The following ADAMTSL1 variants were observed in gnomAD, a reference collection of about 807,000 sequenced individuals.
ADAMTSL1 encodes ADAMTS like 1, also known as ADAMTS-like protein 1.
ADAMTSL1 carries 126 observed loss-of-function variants against 201.8 expected under a neutral mutation model. That is an observed-to-expected ratio of 0.62 (90% CI 0.54 to 0.72). The LOEUF (loss-of-function observed/expected upper bound fraction) is 0.72, where lower values mean the gene tolerates loss of function less well. Ranked by LOEUF, ADAMTSL1 falls within the 30% of genes least tolerant of loss-of-function variation. The pLI is 0.00. For missense variants in ADAMTSL1, 2,679 were observed against 2,277.8 expected (o/e 1.18, Z -3.59); for synonymous variants, 1,121 against 903.4 (o/e 1.24, Z -4.32).
rs542612058 is a variant in ADAMTSL1 at position 17,965,152 on chromosome 9, C to G, written c.87+58230C>G. Among the ~76,000 whole-genome samples, 12 of 152,216 alleles carry G rather than the reference C, an allele frequency of 7.9e-5. No individual in the cohort carries two copies. The South Asian group carries it at 2.1e-3, about 26-fold the overall frequency. ...AGATAGAGTAAAACTTAATTTTCTG[C>G]AGGCTTGTAATTTATATTTCTTTTC... On this transcript the variant is annotated intron_variant, in intron 1 of 29. Transcript: ENST00000680146.
intron 1 of ADAMTSL1, among the ~76,000 whole-genome samples, chr9:18,163,163 T>G (rs1162040836): frequency 6.6e-5 from 10 of 152,010 alleles, no homozygotes; most frequent in Non-Finnish European, 1.0e-4. Flanking sequence ...GTTTTAGAGT[T>G]AGACCTGTAT....
intron 2 of ADAMTSL1, among the ~76,000 whole-genome samples, chr9:18,233,313 A>T (rs1830714628): frequency 6.6e-6 from 1 of 152,240 alleles, no homozygotes; most frequent in Admixed American, 6.5e-5. Flanking sequence ...AACAAAAAAT[A>T]ACCTGTAACT....
At chr9:18,661,888 G>T (rs763773238) in intron 8 of ADAMTSL1, 47 bp from the exon 9 acceptor site, 1 of 1,575,782 alleles carries the variant, frequency 6.3e-7, no homozygotes, top group East Asian at 2.3e-5. Flanking sequence ...GAAATATATT[G>T]CATTGGCATG....
At chr9:18,834,756 C>G (rs1251291081) in intron 23 of ADAMTSL1, among the ~76,000 whole-genome samples, 1 of 152,132 alleles carries the variant, frequency 6.6e-6, no homozygotes, top group Non-Finnish European at 1.5e-5. Flanking sequence ...TTATTTCTTT[C>G]ACTCAGAATA....
chr9:18,769,601 G>T (rs998902322), intron 16 of ADAMTSL1, among the ~76,000 whole-genome samples: 1 of 152,170 alleles, frequency 6.6e-6, no homozygotes, highest in Non-Finnish European at 1.5e-5. Flanking sequence ...CTTTTTGTTT[G>T]TGACAGCCCA....
At chr9:17,972,991 A>G (rs555454676) in intron 1 of ADAMTSL1, among the ~76,000 whole-genome samples, 266 of 148,038 alleles carry the variant, frequency 1.8e-3, no homozygotes, top group East Asian at 3.6e-3. Flanking sequence ...CATATCCTTC[A>G]CCCACTTTTT....
intron 1 of ADAMTSL1, among the ~76,000 whole-genome samples, chr9:18,085,558 T>C (rs962294171): frequency 8.2e-6 from 1 of 122,414 alleles, no homozygotes; most frequent in South Asian, 2.6e-4. Flanking sequence ...ACATACACAC[T>C]GTGTGTATAC....
chr9:18,604,225 G>A (rs1309158517), intron 4 of ADAMTSL1, among the ~76,000 whole-genome samples: 14 of 152,356 alleles, frequency 9.2e-5, no homozygotes, highest in Admixed American at 8.5e-4. Flanking sequence ...GGCATAGGCT[G>A]CAAGCTGGAA....
intron 2 of ADAMTSL1, chr9:18,360,481 A>G (rs1260056857): frequency 6.6e-6 from 1 of 152,138 alleles, no homozygotes; most frequent in Non-Finnish European, 1.5e-5. Context: ...AAATGGTATT[A>G]ACATTGGTAC....
chr9:18,756,281 CAAAAAAA>C (rs11326013), intron 16 of ADAMTSL1, among the ~76,000 whole-genome samples: 21 of 68,492 alleles, frequency 3.1e-4, no homozygotes, highest in Admixed American at 6.0e-4. Context: ...TCTGTCTCGA[CAAAAAAA>C]AAAAAAAAAA....
intron 2 of ADAMTSL1, among the ~76,000 whole-genome samples, chr9:18,352,796 C>T (rs140941097): frequency 1.5e-3 from 225 of 152,220 alleles, no homozygotes; most frequent in African/African-American, 5.1e-3. Context: ...AGGAAAAATA[C>T]GTTTTTACCC....
chr9:18,866,240 G>C (rs1827535079), intron 23 of ADAMTSL1, among the ~76,000 whole-genome samples: 1 of 151,900 alleles, frequency 6.6e-6, no homozygotes, highest in African/African-American at 2.4e-5. Context: ...TTATTCACTG[G>C]GAACATACAC....
intron 10 of ADAMTSL1, among the ~76,000 whole-genome samples, chr9:18,678,766 A>T (rs569723977): frequency 1.5e-4 from 23 of 152,298 alleles, no homozygotes; most frequent in African/African-American, 5.5e-4. Context: ...ATACTTATGT[A>T]TTCAACCCAA....
At chr9:18,377,129 T>C (rs554567043) in intron 2 of ADAMTSL1, among the ~76,000 whole-genome samples, 8 of 152,328 alleles carry the variant, frequency 5.3e-5, no homozygotes, top group Admixed American at 3.9e-4. Context: ...AGACAACGGT[T>C]AAGACCATGG....
intron 4 of ADAMTSL1, among the ~76,000 whole-genome samples, chr9:18,601,729 T>TATAGTAAAAATTATAGTATAGTATAA (rs1433081020): frequency 2.6e-5 from 4 of 152,046 alleles, no homozygotes; most frequent in African/African-American, 9.6e-5. Context: ...TAATGTATAG[T>TATAGTAAAAATTATAGTATAGTATAA]ATAATGTAGC....
intron 26 of ADAMTSL1, among the ~76,000 whole-genome samples, chr9:18,893,479 C>A (rs1328584076): frequency 1.3e-5 from 2 of 152,178 alleles, no homozygotes; most frequent in East Asian, 1.9e-4. Context: ...ACCCTCCAGG[C>A]CAGTACGTGT....
At chr9:18,295,979 G>T (rs111261683) in intron 2 of ADAMTSL1, among the ~76,000 whole-genome samples, 3 of 152,256 alleles carry the variant, frequency 2.0e-5, no homozygotes, top group African/African-American at 4.8e-5. Flanking sequence ...CTAGTATTAT[G>T]TGCCTCCTGG....
At chr9:18,055,167 T>C (rs144309100) in intron 1 of ADAMTSL1, among the ~76,000 whole-genome samples, 30 of 152,346 alleles carry the variant, frequency 2.0e-4, no homozygotes, top group African/African-American at 6.5e-4. Flanking sequence ...TTAAACAAGA[T>C]ACTAAAGTCT....
At chr9:18,338,100 C>T (rs374647292) in intron 2 of ADAMTSL1, among the ~76,000 whole-genome samples, 7 of 152,146 alleles carry the variant, frequency 4.6e-5, no homozygotes, top group African/African-American at 1.7e-4. Context: ...GGTCTACTAC[C>T]TCAACCGGGC....
Sources: allele counts gnomAD v4.1 joint callset (sites outside exome capture counted in the v4.1 genomes callset), GRCh38; gene constraint gnomAD v4.1.1; transcripts MANE v1.5; gene names NCBI Gene and HGNC (gene_info 2026-07-23, HGNC 2026-07-21).